TNIK: variants seen among roughly 807,000 people sequenced by gnomAD.
The protein encoded by TNIK is TRAF2 and NCK-interacting protein kinase.
In TNIK, 49 loss-of-function variants were observed where a neutral mutation model predicts 191.3. The ratio of observed to expected loss-of-function variants is 0.26; its 90% CI spans 0.20 to 0.32. The LOEUF (loss-of-function observed/expected upper bound fraction) is 0.32. Ranked by LOEUF, TNIK falls within the 10% of genes least tolerant of loss-of-function variation. TNIK has a pLI of 1.00. For synonymous variants in TNIK, 594 were observed against 600.9 expected (o/e 0.99, Z 0.17); for missense variants, 1,155 against 1,702.3 (o/e 0.68, Z 5.66).
At chr3:171,161,031 T>TA (rs1733917900) in intron 11 of TNIK, among the ~76,000 whole-genome samples, 3 of 152,322 alleles carry the variant, frequency 2.0e-5, no homozygotes, top group Admixed American at 2.0e-4. Context: ...AACAAGCTCT[T>TA]ACGATAGAGA....
chr3:171,071,637 A>G lies in TNIK; in HGVS notation c.3449-314T>C, dbSNP rs566377475. ...GATATTCATTGTAATAAGAATGTGCATAATTTCCTTCATGTTAGCTTGCCT... is the reference window on the plus strand; with the variant it reads ...GATATTCATTGTAATAAGAATGTGCGTAATTTCCTTCATGTTAGCTTGCCT... On this transcript the variant is annotated intron_variant, in intron 28 of 32. Transcript: ENST00000436636. 5.3e-5 allele frequency among the ~76,000 whole-genome samples: 8 copies of G among 152,316 alleles called. No individual in the cohort carries two copies. In the South Asian group the frequency reaches 1.7e-3, roughly 32 times the overall value.
chr3:171,265,998 GGC>G (rs1211537094), intron 2 of TNIK, among the ~76,000 whole-genome samples: 1 of 152,160 alleles, frequency 6.6e-6, no homozygotes, highest in Non-Finnish European at 1.5e-5. Flanking sequence ...TACATGACAT[GGC>G]CCAGCATACT....
chr3:171,179,097 G>T (rs1205762242), intron 7 of TNIK, among the ~76,000 whole-genome samples: 1 of 152,118 alleles, frequency 6.6e-6, no homozygotes, highest in Non-Finnish European at 1.5e-5. Flanking sequence ...AGGAGCAAGG[G>T]GGATTCTTTC....
intron 2 of TNIK, among the ~76,000 whole-genome samples, chr3:171,341,826 A>C (rs1372480835): frequency 2.6e-5 from 4 of 152,152 alleles, no homozygotes; most frequent in African/African-American, 9.7e-5. Flanking sequence ...GCACTGTTGA[A>C]TCCACCATCT....
chr3:171,406,271 C>T (rs1211373654), intron 1 of TNIK, among the ~76,000 whole-genome samples: 3 of 152,044 alleles, frequency 2.0e-5, no homozygotes, highest in African/African-American at 7.2e-5. Context: ...TACTGCCTCC[C>T]TAGATGATGG....
At chr3:171,338,421 A>T (rs1208686514) in intron 2 of TNIK, among the ~76,000 whole-genome samples, 1 of 152,210 alleles carries the variant, frequency 6.6e-6, no homozygotes, top group Non-Finnish European at 1.5e-5. Context: ...AACATTAAAC[A>T]TTACTTTTAT....
In TNIK at chr3:171,125,927, T is replaced by G. The variant is rs745955454; in HGVS notation, c.1998A>C (p.Glu666Asp). The G allele has an allele frequency of 6.2e-7, 1 of 1,613,976 alleles. No homozygotes were observed. Among genetic ancestry groups the G allele is most frequent in the Non-Finnish European group, 8.5e-7 (1 of 1,179,884 alleles). The change falls in exon 17 of 33, where the codon GAA becomes GAC. Residue 666 changes from glutamate (E) to aspartate (D), a missense_variant. Coordinates refer to ENST00000436636, the MANE Select transcript of TNIK (RefSeq NM_015028.4). ...TAAATATTACCTTTGGTGGAATGTC[T>G]TCTTCCTGTCGTAACCAAGAGCTTC... ...FDRSSWLRQE[E>D]DIPPKVPQRT...
At chr3:171,085,253 A>G in intron 24 of TNIK, 24 bp from the exon 25 acceptor site, 2 of 1,576,638 alleles carry the variant, frequency 1.3e-6, no homozygotes, top group South Asian at 2.3e-5. Context: ...AAGAAGATTA[A>G]GAAGAGCAGA....
chr3:171,206,234 A>C (rs116760533), intron 4 of TNIK, among the ~76,000 whole-genome samples: 3,637 of 151,882 alleles, frequency 0.024, 137 homozygotes, highest in African/African-American at 0.084. Flanking sequence ...ATATGTATCT[A>C]TACTAGCCAT....
chr3:171,274,894 A>G (rs1749536632), intron 2 of TNIK, among the ~76,000 whole-genome samples: 1 of 152,250 alleles, frequency 6.6e-6, no homozygotes, highest in Non-Finnish European at 1.5e-5. Context: ...ATTTATGGGC[A>G]GGACCCAATT....
intron 3 of TNIK, among the ~76,000 whole-genome samples, chr3:171,220,702 C>T (rs573194363): frequency 6.6e-6 from 1 of 152,274 alleles, no homozygotes; most frequent in African/African-American, 2.4e-5. Context: ...CAGGCATCTC[C>T]ACCCCACTAG....
intron 24 of TNIK, among the ~76,000 whole-genome samples, chr3:171,085,469 A>T (rs1193182983): frequency 6.6e-6 from 1 of 152,202 alleles, no homozygotes; most frequent in African/African-American, 2.4e-5. Context: ...TGTAGTGAGA[A>T]AATTACATTT....
intron 1 of TNIK, among the ~76,000 whole-genome samples, chr3:171,438,056 C>G (rs1726243982): frequency 6.6e-6 from 1 of 152,228 alleles, no homozygotes; most frequent in Non-Finnish European, 1.5e-5. Context: ...ACTGCTGCAC[C>G]TGCACAGTGA....
At chr3:171,314,521 T>C (rs1323565822) in intron 2 of TNIK, among the ~76,000 whole-genome samples, 1 of 152,176 alleles carries the variant, frequency 6.6e-6, no homozygotes, top group East Asian at 1.9e-4. Context: ...ACGGATATGA[T>C]CTTGGATGTA....
chr3:171,380,045 A>ATG (rs1559998197), intron 1 of TNIK, among the ~76,000 whole-genome samples: 3 of 151,352 alleles, frequency 2.0e-5, no homozygotes, highest in Non-Finnish European at 2.9e-5. Context: ...ACACACACAC[A>ATG]CACACACACA....
intron 2 of TNIK, among the ~76,000 whole-genome samples, chr3:171,336,360 G>A (rs936285173): frequency 3.9e-5 from 6 of 152,130 alleles, no homozygotes; most frequent in African/African-American, 1.4e-4. Flanking sequence ...TCAGTTGACT[G>A]TGTGCCTTTC....
At position 171,063,768 on chromosome 3, in the gene TNIK, A is replaced by G. The variant is rs116445936; in HGVS notation, c.*113T>C. The G allele has an allele frequency of 3.4e-3, 3,463 of 1,025,162 alleles. 10 individuals carry two copies. The highest frequency in any genetic ancestry group is 4.2e-3 in the Non-Finnish European group (2,944 of 698,490). The allele number at this position is 1,025,162 out of a possible 1,614,324, so 63.5% of individuals were successfully genotyped here. On this transcript the variant is annotated 3_prime_UTR_variant, in exon 33 of 33. Transcript: ENST00000436636. ...GGAGGGAGAGGAAAAAGGGAAAGCG[A>G]TATGTTCAACCAAGCCTTCTGATTC...
chr3:171,320,977 C>T (rs1288705041), intron 2 of TNIK, among the ~76,000 whole-genome samples: 2 of 152,162 alleles, frequency 1.3e-5, no homozygotes, highest in Non-Finnish European at 2.9e-5. Flanking sequence ...AACCTTAGGC[C>T]TTTGCAACGA....
chr3:171,398,757 T>C (rs758204727), intron 1 of TNIK, among the ~76,000 whole-genome samples: 8 of 152,244 alleles, frequency 5.3e-5, no homozygotes, highest in African/African-American at 2.4e-5. Context: ...TATGGGAGTG[T>C]ATTCATGGTT....
Sources: allele counts gnomAD v4.1 joint callset (sites outside exome capture counted in the v4.1 genomes callset), GRCh38; gene constraint gnomAD v4.1.1; transcripts MANE v1.5; gene names NCBI Gene and HGNC (gene_info 2026-07-23, HGNC 2026-07-21).